Variants in CDH26 observed in about 807,000 individuals in gnomAD.
The protein encoded by CDH26 is cadherin 26.
In CDH26, 83 loss-of-function variants were observed where a neutral mutation model predicts 90.3. That is an observed-to-expected ratio of 0.92 (90% CI 0.77 to 1.10). CDH26 has a LOEUF of 1.10. Among genes scored for constraint, CDH26 ranks in the 50% least tolerant of loss-of-function variants. The probability of loss-of-function intolerance (pLI) is 0.00; values close to 1 mark genes in which losing one functional copy is unlikely to be tolerated. For synonymous variants in CDH26, 397 were observed against 396.3 expected (o/e 1.00, Z -0.02); for missense variants, 1,013 against 1,037.6 (o/e 0.98, Z 0.33).
intron 4 of CDH26, among the ~76,000 whole-genome samples, chr20:59,978,328 AT>A (rs2061350585): frequency 2.6e-5 from 4 of 151,340 alleles, no homozygotes; most frequent in Admixed American, 2.0e-4. Flanking sequence ...TGGCTGCACC[AT>A]TTTGCATTCT....
At chr20:60,003,943 G>A (rs1342237839) in intron 16 of CDH26, among the ~76,000 whole-genome samples, 1 of 152,178 alleles carries the variant, frequency 6.6e-6, no homozygotes. Flanking sequence ...GAGCCAGGCT[G>A]GAAACTGACA....
At chr20:59,983,216 C>A (rs539990634) in intron 5 of CDH26, 146 bp downstream of exon 5, 4 of 939,332 alleles carry the variant, frequency 4.3e-6, no homozygotes, top group Admixed American at 2.6e-5. Flanking sequence ...TGGATCTGAG[C>A]GAAATGCTTT....
At chr20:60,002,727 C>G in intron 15 of CDH26, 86 bp from the exon 16 acceptor site, 1 of 950,820 alleles carries the variant, frequency 1.1e-6, no homozygotes, top group Non-Finnish European at 1.6e-6. Context: ...AAATGAAAGG[C>G]AATATGACTG....
Position 59,958,620 on chromosome 20 carries a change from G to T in CDH26, c.-107G>T. 2.9e-6 allele frequency: 3 copies of T among 1,040,472 alleles called. No individual in the cohort carries two copies. 64.5% of individuals were successfully genotyped at this position (1,040,472 alleles called of 1,614,324 possible). ...GGCCAAAGTGACCTGAAAACCTTTA[G>T]AGAAGAAGCTGCTGGCTGAGAAGGA... On this transcript the variant is annotated 5_prime_UTR_variant, in exon 1 of 18. Coordinates refer to ENST00000348616, the MANE Select transcript of CDH26 (RefSeq NM_177980.4).
chr20:60,023,492 C>G (rs1267077496), intron 7 of CDH26, among the ~76,000 whole-genome samples: 1 of 152,054 alleles, frequency 6.6e-6, no homozygotes, highest in Admixed American at 6.6e-5. Context: ...AACCACTGCC[C>G]ATTGTTTTTT....
At chr20:60,005,572 A>G (rs2061737668) in intron 16 of CDH26, among the ~76,000 whole-genome samples, 1 of 152,156 alleles carries the variant, frequency 6.6e-6, no homozygotes, top group Admixed American at 6.5e-5. Context: ...CATATTTTAC[A>G]TATGTCTTCT....
chr20:59,961,048 A>G (rs2061064777), intron 1 of CDH26, among the ~76,000 whole-genome samples: 1 of 152,236 alleles, frequency 6.6e-6, no homozygotes, highest in African/African-American at 2.4e-5. Context: ...ATTTTGCCAT[A>G]TCAAGAGTTA....
chr20:59,969,458 A>G (rs1954137650), intron 2 of CDH26, among the ~76,000 whole-genome samples: 1 of 152,256 alleles, frequency 6.6e-6, no homozygotes, highest in Non-Finnish European at 1.5e-5. Flanking sequence ...TTAAAAAAGA[A>G]CTTACATTTT....
Position 60,012,636 on chromosome 20 carries a change from T to C in CDH26, c.2405T>C (p.Leu802Ser), listed in dbSNP as rs755347273. ...GAPSLSSLAS[L>S]EQELQPDLLD... ...CCATCCCTCAGCTCTCTGGCCAGCT[T>C]GGAACAGGAGTTGCAACCTGATTTG... The change falls in exon 18 of 18, where the codon TTG (leucine) becomes TCG (serine). Residue 802 changes from leucine to serine, a missense_variant. Physicochemically the swap from Leu to Ser is moderately radical, Grantham distance 145. Coordinates refer to ENST00000348616, the MANE Select transcript of CDH26 (RefSeq NM_177980.4). 1 of 1,613,612 alleles carries C rather than the reference T, an allele frequency of 6.2e-7. No homozygotes were observed. The highest frequency in any genetic ancestry group is 8.5e-7 in the Non-Finnish European group (1 of 1,179,836).
intron 8 of CDH26, chr20:60,033,473 C>T (rs2062059660): frequency 7.7e-7 from 1 of 1,300,726 alleles, no homozygotes; most frequent in Non-Finnish European, 1.0e-6. Flanking sequence ...TCTGTTTTCA[C>T]CCCATTTTGC....
intron 14 of CDH26, among the ~76,000 whole-genome samples, chr20:59,999,943 A>G (rs2061653910): frequency 6.6e-6 from 1 of 152,218 alleles, no homozygotes; most frequent in African/African-American, 2.4e-5. Flanking sequence ...TTTTTGCCAT[A>G]TGCATATGGC....
In CDH26 at chr20:59,958,649, G is replaced by T. The variant is rs572560339; in HGVS notation, c.-78G>T. 5.2e-5 allele frequency: 72 copies of T among 1,375,182 alleles called. No individual in the cohort carries two copies. Among genetic ancestry groups the T allele is most frequent in the Non-Finnish European group, 6.9e-5 (67 of 966,402 alleles). 85.2% of individuals were successfully genotyped at this position (1,375,182 alleles called of 1,614,324 possible). ...AGAAGCTGCTGGCTGAGAAGGAGGT[G>T]TGTGGCTCCGGTGAGACCACCAGCT... On this transcript the variant is annotated 5_prime_UTR_variant, in exon 1 of 18. Transcript: ENST00000348616.
At chr20:59,974,343 G>T (rs181619894) in intron 4 of CDH26, among the ~76,000 whole-genome samples, 1 of 152,192 alleles carries the variant, frequency 6.6e-6, no homozygotes, top group Admixed American at 6.5e-5. Flanking sequence ...TGCAGAATGG[G>T]AGAACATTTT....
rs6100677 is a variant in CDH26 at position 59,973,493 on chromosome 20, C to G, written c.393+1370C>G. On this transcript the variant is annotated intron_variant, in intron 4 of 17. Transcript: ENST00000348616. ...TTTAGTGTACAGGTTATTTCATCATCCAGGTATTAAGCCTAGTACCCACTA... is the reference window on the plus strand; with the variant it reads ...TTTAGTGTACAGGTTATTTCATCATGCAGGTATTAAGCCTAGTACCCACTA... Among the ~76,000 whole-genome samples, 1,340 of 152,178 alleles carry G rather than the reference C, an allele frequency of 8.8e-3. 17 individuals carry two copies. Among genetic ancestry groups the G allele is most frequent in the African/African-American group, 0.03 (1,250 of 41,496 alleles).
intron 17 of CDH26, among the ~76,000 whole-genome samples, chr20:60,008,301 G>C (rs2061781485): frequency 6.6e-6 from 1 of 152,194 alleles, no homozygotes; most frequent in Non-Finnish European, 1.5e-5. Flanking sequence ...CTGCACATCA[G>C]CCTATTGGGG....
exon 8 of CDH26, chr20:60,031,397 T>C (rs1352969895): frequency 4.1e-6 from 5 of 1,219,556 alleles, no homozygotes; most frequent in Non-Finnish European, 5.3e-6. Context: ...ACACCCTCTT[T>C]CAAGAAAGTT....
intron 1 of CDH26, among the ~76,000 whole-genome samples, chr20:59,960,463 AG>A (rs930669317): frequency 6.6e-5 from 10 of 152,288 alleles, no homozygotes; most frequent in African/African-American, 2.4e-4. Flanking sequence ...GGTTATGAAA[AG>A]GGGGTTCTCA....
intron 16 of CDH26, among the ~76,000 whole-genome samples, chr20:60,003,923 C>G (rs1018936604): frequency 7.9e-5 from 12 of 152,146 alleles, no homozygotes; most frequent in African/African-American, 2.2e-4. Context: ...CCCAAGTCTA[C>G]CTCGGGAAGG....
At chr20:59,985,723 G>C (rs1018786953) in intron 7 of CDH26, among the ~76,000 whole-genome samples, 2 of 152,176 alleles carry the variant, frequency 1.3e-5, no homozygotes, top group African/African-American at 4.8e-5. Flanking sequence ...GAATCAAGAA[G>C]CCAAATCATA....
Sources: allele counts gnomAD v4.1 joint callset (sites outside exome capture counted in the v4.1 genomes callset), GRCh38; gene constraint gnomAD v4.1.1; transcripts MANE v1.5; gene names NCBI Gene and HGNC (gene_info 2026-07-23, HGNC 2026-07-21).